PPTC7: variants seen among roughly 807,000 people sequenced by gnomAD.
The protein encoded by PPTC7 is protein phosphatase PTC7 homolog.
PPTC7 carries 6 observed loss-of-function variants against 30.8 expected under a neutral mutation model. The observed-to-expected ratio is 0.19, with a 90% CI of 0.11 to 0.38. The LOEUF is 0.38. Among genes scored for constraint, PPTC7 ranks in the 10% least tolerant of loss-of-function variants. The pLI is 1.00. For synonymous variants in PPTC7, 163 were observed against 168.1 expected, an observed-to-expected ratio of 0.97 and a Z score of 0.23; for missense variants, 218 against 404.8, an observed-to-expected ratio of 0.54 and a Z score of 3.96.
chr12:110,580,961 A>T (rs950780995), intron 1 of PPTC7, among the ~76,000 whole-genome samples: 3 of 151,824 alleles, frequency 2.0e-5, no homozygotes, highest in East Asian at 3.9e-4. Context: ...CATATTGGTC[A>T]GTCTGGTCTT....
intron 3 of PPTC7, among the ~76,000 whole-genome samples, chr12:110,542,299 T>TAA (rs796226807): frequency 7.0e-5 from 10 of 142,216 alleles, no homozygotes; most frequent in Non-Finnish European, 1.2e-4. Flanking sequence ...ACCATTTCCG[T>TAA]AAAAAAAAAA....
chr12:110,566,533 G>C (rs949234821), intron 1 of PPTC7, among the ~76,000 whole-genome samples: 1 of 152,186 alleles, frequency 6.6e-6, no homozygotes, highest in Non-Finnish European at 1.5e-5. Flanking sequence ...TGTGAGGAAC[G>C]AGGATAACCT....
rs115923514 is a variant in PPTC7 at position 110,549,877 on chromosome 12, G to T, written c.403+1912C>A. Among the ~76,000 whole-genome samples, 867 of 152,194 alleles carry T rather than the reference G, an allele frequency of 5.7e-3. 12 individuals carry two copies. The highest frequency in any genetic ancestry group is 0.019 in the African/African-American group (801 of 41,520). The stretch of plus-strand genomic sequence containing the variant: ...AGTCCCCTGGAATCTGTGTCTAGGG[G>T]CTCTCTCTCCATTTAACATGTGAAG... On this transcript the variant is annotated intron_variant, in intron 2 of 5. Coordinates refer to ENST00000354300, the MANE Select transcript of PPTC7 (RefSeq NM_139283.2).
At chr12:110,552,747 C>A (rs1386174976) in intron 1 of PPTC7, among the ~76,000 whole-genome samples, 1 of 151,956 alleles carries the variant, frequency 6.6e-6, no homozygotes, top group Non-Finnish European at 1.5e-5. Context: ...GCCTGTAGTC[C>A]CAGCTACTTG....
rs547315116 is a variant in PPTC7 at position 110,581,371 on chromosome 12, G to A, written c.223+1438C>T. Among the ~76,000 whole-genome samples the A allele has an allele frequency of 5.9e-5, 9 of 151,926 alleles. No homozygotes were observed. The East Asian group carries it at 9.7e-4, about 16-fold the overall frequency. ...GGAGGCTGCAGTGAGCCAAGATTGC[G>A]CCACTGCACTCCAGCCTGAGTGACA... On this transcript the variant is annotated intron_variant, in intron 1 of 5. Coordinates refer to ENST00000354300, the MANE Select transcript of PPTC7 (RefSeq NM_139283.2).
chr12:110,541,023 C>G (rs886306171), intron 3 of PPTC7, among the ~76,000 whole-genome samples: 4 of 151,702 alleles, frequency 2.6e-5, no homozygotes, highest in African/African-American at 9.7e-5. Context: ...GATCTGCCCG[C>G]CTTGGCCTCT....
At position 110,536,927 on chromosome 12, in the gene PPTC7, A is replaced by G. The variant is rs1470829921; in HGVS notation, c.*110T>C. 2.6e-6 allele frequency: 2 copies of G among 773,238 alleles called. No individual in the cohort carries two copies. The highest frequency in any genetic ancestry group is 3.5e-5 in the African/African-American group (2 of 57,866). The allele number at this position is 773,238 out of a possible 1,614,324, so 47.9% of individuals were successfully genotyped here. On this transcript the variant is annotated 3_prime_UTR_variant, in exon 6 of 6. Transcript: ENST00000354300. ...AGAAGACAGGCAAAAGACTTACATC[A>G]CTGGCCATTGAGATCAGTGGCAAAG...
chr12:110,548,955 G>A (rs1416356467), intron 2 of PPTC7, among the ~76,000 whole-genome samples: 2 of 152,142 alleles, frequency 1.3e-5, no homozygotes, highest in East Asian at 1.9e-4. Flanking sequence ...TCATTCTCAC[G>A]TGTTTGGAGA....
In PPTC7 at chr12:110,583,208, C is replaced by T. The variant is rs1051487800; in HGVS notation, c.-177G>A. The T allele has an allele frequency of 8.0e-5, 18 of 224,558 alleles. No homozygotes were observed. The highest frequency in any genetic ancestry group is 1.3e-4 in the Non-Finnish European group (16 of 123,390). The allele number at this position is 224,558 out of a possible 1,614,324, so 13.9% of individuals were successfully genotyped here. A position where few individuals can be genotyped will look rare whatever the true frequency, so the allele number is the denominator to read the frequency against. ...GCGGGGCCTCGCACGCGCTCAGCCG[C>T]GCGCACCGGAGCCAGAGCGAGGTCA... On this transcript the variant is annotated 5_prime_UTR_variant, in exon 1 of 6. Transcript: ENST00000354300.
chr12:110,575,866 T>C (rs1226599205), intron 1 of PPTC7, among the ~76,000 whole-genome samples: 1 of 152,080 alleles, frequency 6.6e-6, no homozygotes, highest in East Asian at 1.9e-4. Flanking sequence ...TCTGAAGCTA[T>C]AACAAATGAA....
intron 1 of PPTC7, among the ~76,000 whole-genome samples, chr12:110,577,201 C>T (rs949782579): frequency 2.1e-5 from 3 of 145,620 alleles, no homozygotes; most frequent in Admixed American, 6.9e-5. Context: ...CACTCAGGGT[C>T]ATATTTGCTA....
At chr12:110,539,689 G>A (rs1308382637) in intron 4 of PPTC7, 133 bp downstream of exon 4, 1 of 812,110 alleles carries the variant, frequency 1.2e-6, no homozygotes, top group Non-Finnish European at 1.9e-6. Flanking sequence ...AAAGACCAGA[G>A]CTATTATTAT....
chr12:110,556,967 G>A (rs1307633153), intron 1 of PPTC7, among the ~76,000 whole-genome samples: 3 of 152,170 alleles, frequency 2.0e-5, no homozygotes, highest in Non-Finnish European at 4.4e-5. Context: ...AGATTTCCAC[G>A]GCAGGGAAGG....
At chr12:110,549,184 A>G (rs1166017713) in intron 2 of PPTC7, among the ~76,000 whole-genome samples, 1 of 152,218 alleles carries the variant, frequency 6.6e-6, no homozygotes, top group Non-Finnish European at 1.5e-5. Flanking sequence ...CAGGTTCTTA[A>G]GATACTCTGG....
intron 1 of PPTC7, among the ~76,000 whole-genome samples, chr12:110,576,051 T>A (rs1238168154): frequency 6.6e-6 from 1 of 152,148 alleles, no homozygotes; most frequent in African/African-American, 2.4e-5. Context: ...CCACTCAGAA[T>A]AGTCAGAAAG....
At chr12:110,563,169 T>C (rs1439172330) in intron 1 of PPTC7, among the ~76,000 whole-genome samples, 1 of 146,798 alleles carries the variant, frequency 6.8e-6, no homozygotes, top group Non-Finnish European at 1.5e-5. Context: ...AAAAAAGAAG[T>C]TTCCATTCCA....
At chr12:110,565,614 CTA>C (rs2135786015) in intron 1 of PPTC7, among the ~76,000 whole-genome samples, 2 of 152,264 alleles carry the variant, frequency 1.3e-5, no homozygotes, top group South Asian at 4.1e-4. Flanking sequence ...ATGACAAGAA[CTA>C]TTTATGTAAA....
intron 4 of PPTC7, among the ~76,000 whole-genome samples, chr12:110,538,485 AT>A (rs1340168172): frequency 6.6e-6 from 1 of 152,080 alleles, no homozygotes; most frequent in Non-Finnish European, 1.5e-5. Flanking sequence ...TAAAGTTTGG[AT>A]TTTCATTTTT....
At chr12:110,577,824 G>A (rs549218541) in intron 1 of PPTC7, among the ~76,000 whole-genome samples, 5 of 152,246 alleles carry the variant, frequency 3.3e-5, no homozygotes, top group African/African-American at 9.6e-5. Flanking sequence ...TTTAAAATAA[G>A]TGGTTTCTCT....
Sources: gnomAD v4.1 joint callset for allele counts (sites outside exome capture counted in the v4.1 genomes callset) on GRCh38, gnomAD v4.1.1 for gene constraint, MANE v1.5 for transcripts, NCBI Gene and HGNC (gene_info 2026-07-23, HGNC 2026-07-21) for gene names.